The following ZNF518B variants were observed in gnomAD, a reference collection of about 807,000 sequenced individuals.
ZNF518B encodes zinc finger protein 518B.
A neutral mutation model predicts 56.3 loss-of-function variants in ZNF518B; 23 were observed. The observed-to-expected ratio is 0.41, with a 90% CI of 0.29 to 0.58. The LOEUF is 0.58. Among genes scored for constraint, ZNF518B ranks in the 20% least tolerant of loss-of-function variants. The pLI, the probability that ZNF518B is intolerant of heterozygous loss-of-function variation, is 0.32. For synonymous variants in ZNF518B, 529 were observed against 465.9 expected (o/e 1.14, Z -1.74); for missense variants, 1,460 against 1,272.1 (o/e 1.15, Z -2.25).
chr4:10,444,620 C>G lies in ZNF518B; in HGVS notation c.1709G>C (p.Arg570Thr). The stretch of plus-strand genomic sequence containing the variant: ...CTCTGTCTGGTTATCTTCCTGCTTC[C>G]TATTAGAGGAAACCACTTTTACAGG... ...NIPVKVVSSNRKQEDNQTEEH... is the reference protein window; with the variant it reads ...NIPVKVVSSNTKQEDNQTEEH... The change falls in exon 3 of 3, where the codon AGG becomes ACG. Residue 570 changes from arginine (R) to threonine (T), a missense_variant. Physicochemically the swap from Arg to Thr is moderately conservative, Grantham distance 71. Coordinates refer to ENST00000326756, the MANE Select transcript of ZNF518B (RefSeq NM_053042.3). 3 of 1,614,162 alleles carry G rather than the reference C, an allele frequency of 1.9e-6. No individual in the cohort carries two copies. Among genetic ancestry groups the G allele is most frequent in the Non-Finnish European group, 2.5e-6 (3 of 1,180,034 alleles).
Position 10,445,760 on chromosome 4 carries a change from T to C in ZNF518B, c.569A>G (p.Tyr190Cys). Residue 190 changes from tyrosine (Y) to cysteine (C), a missense_variant, in exon 3 of 3, where the codon TAT becomes TGT. Tyr to Cys is a radical substitution (Grantham distance 194). Transcript: ENST00000326756. ...HLVKHTGIFP[Y>C]QCEYCDYGAI... The stretch of plus-strand genomic sequence containing the variant: ...ACCATAGTCACAATACTCACACTGA[T>C]AAGGAAATATGCCTGTGTGTTTCAC... 2 of 1,614,220 alleles carry C rather than the reference T, an allele frequency of 1.2e-6. No individual in the cohort carries two copies. The highest frequency in any genetic ancestry group is 1.7e-6 in the Non-Finnish European group (2 of 1,180,030).
At position 10,444,565 on chromosome 4, in the gene ZNF518B, C is replaced by G. The variant is rs780047214; in HGVS notation, c.1764G>C (p.Gln588His). 13 of 1,614,098 alleles carry G rather than the reference C, an allele frequency of 8.1e-6. No homozygotes were observed. In the Admixed American group the frequency reaches 1.8e-4, roughly 23 times the overall value. Residue 588 changes from glutamine (Q) to histidine (H), a missense_variant, in exon 3 of 3, where the codon CAG becomes CAC. Coordinates refer to ENST00000326756, the MANE Select transcript of ZNF518B (RefSeq NM_053042.3). ...ACTCACTCTTATGTTGAGAGGAAATCTGGCCTACAGTTGAAACTGCCTTGT... is the reference window on the plus strand; with the variant it reads ...ACTCACTCTTATGTTGAGAGGAAATGTGGCCTACAGTTGAAACTGCCTTGT... ...EEHKAVSTVGQISSQHKSEYL... is the reference protein window; with the variant it reads ...EEHKAVSTVGHISSQHKSEYL...
At chr4:10,456,861 C>T (rs915367493) in intron 1 of ZNF518B, among the ~76,000 whole-genome samples, 4 of 152,116 alleles carry the variant, frequency 2.6e-5, no homozygotes, top group African/African-American at 7.2e-5. Context: ...TCGGAGGAGG[C>T]ATCCTTCATA....
intron 2 of ZNF518B, chr4:10,453,745 T>C (rs569953211): frequency 6.6e-6 from 1 of 152,068 alleles, no homozygotes; most frequent in Non-Finnish European, 1.5e-5. Flanking sequence ...TTTTTTGCCT[T>C]AAAAATTTGC....
At chr4:10,450,841 G>C (rs1047990664) in intron 2 of ZNF518B, 1 of 152,202 alleles carries the variant, frequency 6.6e-6, no homozygotes, top group Admixed American at 6.5e-5. Flanking sequence ...AGGACTTTCA[G>C]ATAGCTTAGG....
rs150109128 is a variant in ZNF518B at position 10,440,435 on chromosome 4, G to A, written c.*2669C>T. On this transcript the variant is annotated 3_prime_UTR_variant, in exon 3 of 3. Coordinates refer to ENST00000326756, the MANE Select transcript of ZNF518B (RefSeq NM_053042.3). ...GTATTAACAAAATGTAGTGATTGGAGGTCCTTCAAAATTAAGAACCCACAC... is the reference window on the plus strand; with the variant it reads ...GTATTAACAAAATGTAGTGATTGGAAGTCCTTCAAAATTAAGAACCCACAC... The A allele has an allele frequency of 3.9e-5, 6 of 152,604 alleles. No individual in the cohort carries two copies. The East Asian group carries it at 1.2e-3, about 29-fold the overall frequency. 9.5% of individuals were successfully genotyped at this position (152,604 alleles called of 1,614,324 possible).
At chr4:10,460,734 C>A (rs1186105576), upstream of ZNF518B, among the ~76,000 whole-genome samples, 1 of 152,208 alleles carries the variant, frequency 6.6e-6, no homozygotes, top group Non-Finnish European at 1.5e-5. Context: ...TTGCTCTGAA[C>A]TTCCTTCCAT....
At chr4:10,449,005 G>A (rs545639360) in intron 2 of ZNF518B, among the ~76,000 whole-genome samples, 4 of 152,228 alleles carry the variant, frequency 2.6e-5, no homozygotes, top group South Asian at 4.2e-4. Flanking sequence ...TGCCCAGTCC[G>A]ACACTGCTGA....
intron 2 of ZNF518B, among the ~76,000 whole-genome samples, chr4:10,449,103 A>AGCT (rs1715193923): frequency 6.6e-6 from 1 of 152,226 alleles, no homozygotes; most frequent in Non-Finnish European, 1.5e-5. Context: ...AAAACGGAAA[A>AGCT]GCTGCAGCAG....
upstream of ZNF518B, among the ~76,000 whole-genome samples, chr4:10,461,158 T>C (rs1451449727): frequency 3.3e-5 from 5 of 152,250 alleles, no homozygotes; most frequent in African/African-American, 1.2e-4. Flanking sequence ...TTACTGCCAG[T>C]CTCTGAGACG....
At chr4:10,457,041 CGCGTACCT>C (rs1461701724) in intron 1 of ZNF518B, 1 of 149,188 alleles carries the variant, frequency 6.7e-6, no homozygotes, top group East Asian at 1.9e-4. Context: ...AGGCCAGGCC[CGCGTACCT>C]GCTCAACGCG....
At position 10,444,519 on chromosome 4, in the gene ZNF518B, C is replaced by T. The variant is rs1387708831; in HGVS notation, c.1810G>A (p.Gly604Arg). Reference sequence around the variant, plus strand: ...CCAGGCTGTTGAGATCTATCTTCTCCAGTTATGTTTATATGTAAATACTCA... The same window carrying T: ...CCAGGCTGTTGAGATCTATCTTCTCTAGTTATGTTTATATGTAAATACTCA... ...KSEYLHINIT[G>R]EDRSQQPGDK... Residue 604 changes from glycine to arginine, a missense_variant, in exon 3 of 3, where the codon GGA becomes AGA. By Grantham distance (125) the Gly-to-Arg change is moderately radical (BLOSUM62 -2). Coordinates refer to ENST00000326756, the MANE Select transcript of ZNF518B (RefSeq NM_053042.3). 3 of 1,614,094 alleles carry T rather than the reference C, an allele frequency of 1.9e-6. No homozygotes were observed. The highest frequency in any genetic ancestry group is 2.5e-6 in the Non-Finnish European group (3 of 1,180,034).
chr4:10,459,981 A>G (rs1406847889), upstream of ZNF518B, among the ~76,000 whole-genome samples: 1 of 152,130 alleles, frequency 6.6e-6, no homozygotes, highest in Non-Finnish European at 1.5e-5. Flanking sequence ...TTGGGAGCCA[A>G]CGTTCATTCA....
Position 10,444,122 on chromosome 4 carries a change from T to C in ZNF518B, c.2207A>G (p.Asn736Ser). The C allele has an allele frequency of 2.5e-6, 4 of 1,614,228 alleles. No individual in the cohort carries two copies. Among genetic ancestry groups the C allele is most frequent in the Non-Finnish European group, 3.4e-6 (4 of 1,180,042 alleles). The part of the protein sequence containing the change: ...KPPNDGGITG[N>S]RQLTHQQIYP... ...TATTTGTTGATGAGTAAGCTGTCTA[T>C]TACCAGTAATACCACCATCATTCGG... Residue 736 changes from asparagine to serine, a missense_variant, in exon 3 of 3, where the codon AAT becomes AGT. Transcript: ENST00000326756.
upstream of ZNF518B, among the ~76,000 whole-genome samples, chr4:10,457,717 G>A (rs1715612116): frequency 1.3e-5 from 2 of 152,228 alleles, no homozygotes; most frequent in Admixed American, 6.5e-5. Context: ...TCCCGCGGAG[G>A]GCGGCCTTGG....
chr4:10,461,103 C>A (rs971027519), upstream of ZNF518B, among the ~76,000 whole-genome samples: 1 of 152,374 alleles, frequency 6.6e-6, no homozygotes, highest in Admixed American at 6.5e-5. Context: ...GAGCCCGAAT[C>A]CCGAACTCAT....
intron 2 of ZNF518B, among the ~76,000 whole-genome samples, chr4:10,450,044 AG>A (rs754430935): frequency 1.4e-4 from 21 of 152,340 alleles, no homozygotes; most frequent in Non-Finnish European, 2.5e-4. Flanking sequence ...TCCATCAGCA[AG>A]GAATGGAGAG....
At position 10,440,756 on chromosome 4, in the gene ZNF518B, AT is replaced by A. The variant is rs1173206794; in HGVS notation, c.*2347del. 2.6e-5 allele frequency: 4 copies of A among 152,164 alleles called. No individual in the cohort carries two copies. The allele number at this position is 152,164 out of a possible 1,614,324, so 9.4% of individuals were successfully genotyped here. On this transcript the variant is annotated 3_prime_UTR_variant, in exon 3 of 3. Transcript: ENST00000326756. ...TGATGCTGCGAAGTGAAAATACTTC[AT>A]GTTGACAGTTAACACTCTGACCTGA...
chr4:10,445,263 T>C lies in ZNF518B; in HGVS notation c.1066A>G (p.Thr356Ala), dbSNP rs1412394999. ...QLIDVKVVNG[T>A]QQLVLKLFPL... Reference sequence around the variant, plus strand: ...AACAGTTTCAGAACAAGCTGCTGTGTACCATTGACAACCTTCACATCTATC... The same window carrying C: ...AACAGTTTCAGAACAAGCTGCTGTGCACCATTGACAACCTTCACATCTATC... Residue 356 changes from threonine to alanine, a missense_variant, in exon 3 of 3, where the codon ACA becomes GCA. Thr to Ala is a moderately conservative substitution (Grantham distance 58). Transcript: ENST00000326756. 1.2e-6 allele frequency: 2 copies of C among 1,614,118 alleles called. No individual in the cohort carries two copies. The highest frequency in any genetic ancestry group is 1.3e-5 in the African/African-American group (1 of 75,062).
Sources: allele counts gnomAD v4.1 joint callset (sites outside exome capture counted in the v4.1 genomes callset), GRCh38; gene constraint gnomAD v4.1.1; transcripts MANE v1.5; gene names NCBI Gene and HGNC (gene_info 2026-07-23, HGNC 2026-07-21).